Variants in HENMT1 observed in about 807,000 individuals in gnomAD.
HENMT1 encodes small RNA 2'-O-methyltransferase.
A neutral mutation model predicts 31.1 loss-of-function variants in HENMT1; 27 were observed. The ratio of observed to expected loss-of-function variants is 0.87; its 90% CI spans 0.64 to 1.20. The LOEUF (loss-of-function observed/expected upper bound fraction) is 1.20, where lower values mean the gene tolerates loss of function less well. HENMT1 is among the 50% of genes most tolerant of loss of function. The pLI, the probability that HENMT1 is intolerant of heterozygous loss-of-function variation, is 0.00. For synonymous variants in HENMT1, 167 were observed against 172.2 expected, an observed-to-expected ratio of 0.97 and a Z score of 0.24; for missense variants, 438 against 469.6, an observed-to-expected ratio of 0.93 and a Z score of 0.62.
chr1:108,655,215 G>C (rs1570635796), intron 4 of HENMT1, among the ~76,000 whole-genome samples: 1 of 152,200 alleles, frequency 6.6e-6, no homozygotes, highest in Admixed American at 6.5e-5. Context: ...ATATACAAGA[G>C]ATAGGAGAAA....
Position 108,648,327 on chromosome 1 carries a change from T to C in HENMT1, c.*239A>G. On this transcript the variant is annotated 3_prime_UTR_variant, in exon 8 of 8. Coordinates refer to ENST00000651461, the MANE Select transcript of HENMT1 (RefSeq NM_001102592.2). ...ATTACCACATCCAACTTCTTTATTC[T>C]TGAGAAAACAAAAAAGTCCAAAATC... is the stretch of plus-strand genomic sequence containing the variant. 1.9e-6 allele frequency: 1 copy of C among 517,804 alleles called. No individual in the cohort carries two copies. The allele number at this position is 517,804 out of a possible 1,614,324, so 32.1% of individuals were successfully genotyped here. A position where few individuals can be genotyped will look rare whatever the true frequency, so the allele number is the denominator to read the frequency against.
At position 108,651,043 on chromosome 1, in the gene HENMT1, C is replaced by A; in HGVS notation, c.565G>T (p.Glu189Ter). The change falls in exon 6 of 8, where the codon GAG (glutamate) becomes TAG (stop). Residue 189 changes from glutamate (E) to a stop codon, truncating the protein, a stop_gained. Coordinates refer to ENST00000651461, the MANE Select transcript of HENMT1 (RefSeq NM_001102592.2). LOFTEE classifies it high-confidence loss of function. ...SDHKFEWTRM[E>*]FQTWALYVAN... is the part of the protein sequence containing the mutation. ...TTCTGAACTTACCAGGTCTGAAACT[C>A]CATTCTGGTCCACTCAAATTTATGA... is the stretch of plus-strand genomic sequence containing the variant. 6.2e-7 allele frequency: 1 copy of A among 1,613,000 alleles called. No homozygotes were observed. The highest frequency in any genetic ancestry group is 8.5e-7 in the Non-Finnish European group (1 of 1,179,324).
chr1:108,659,778 G>A, intron 2 of HENMT1, 86 bp downstream of exon 2: 2 of 853,772 alleles, frequency 2.3e-6, no homozygotes, highest in Non-Finnish European at 3.8e-6. Context: ...ACCTAAATGT[G>A]ATCAATTTTG....
intron 2 of HENMT1, among the ~76,000 whole-genome samples, chr1:108,658,046 TAC>T (rs58348990): frequency 0.14 from 19,881 of 140,326 alleles, 1,729 homozygotes; most frequent in African/African-American, 0.25. Context: ...CACATATATA[TAC>T]ACACACACAC....
At position 108,655,594 on chromosome 1, in the gene HENMT1, T is replaced by G. The variant is rs772972740; in HGVS notation, c.255A>C (p.Arg85=). The G allele has an allele frequency of 1.3e-6, 2 of 1,573,688 alleles. No homozygotes were observed. Among genetic ancestry groups the G allele is most frequent in the Non-Finnish European group, 1.7e-6 (2 of 1,146,878 alleles). Residue 85 remains arginine, a synonymous_variant, in exon 4 of 8, where the codon CGA becomes CGC. Transcript: ENST00000651461. ...VGVDINEDKL[R]WRGDSLAPFL... ...CAGAAACTAAGTATTACCCTCTCCATCGTAATTTATCCTCATTAATATCTA... is the reference window on the plus strand; with the variant it reads ...CAGAAACTAAGTATTACCCTCTCCAGCGTAATTTATCCTCATTAATATCTA...
At position 108,659,948 on chromosome 1, in the gene HENMT1, T is replaced by C; in HGVS notation, c.-64A>G. ...ATCCTTCAAGCTCTATTTGAGAGAATCAGCACTGACTCAGCTGTAATAAAT... is the reference window on the plus strand; with the variant it reads ...ATCCTTCAAGCTCTATTTGAGAGAACCAGCACTGACTCAGCTGTAATAAAT... On this transcript the variant is annotated 5_prime_UTR_variant, in exon 2 of 8. The change abolishes the stop of an existing upstream ORF in the 5' untranslated region. Transcript: ENST00000651461. 6.4e-7 allele frequency: 1 copy of C among 1,550,770 alleles called. No individual in the cohort carries two copies. Among genetic ancestry groups the C allele is most frequent in the Non-Finnish European group, 8.7e-7 (1 of 1,150,912 alleles).
Position 108,651,066 on chromosome 1 carries a change from T to G in HENMT1, c.542A>C (p.His181Pro), listed in dbSNP as rs1472833370. The change falls in exon 6 of 8, where the codon CAT becomes CCT. Residue 181 changes from histidine (H) to proline (P), a missense_variant. Transcript: ENST00000651461. ...FPSVTLRDSD[H>P]KFEWTRMEFQ... is the part of the protein sequence containing the mutation. Reference sequence around the variant, plus strand: ...CTCCATTCTGGTCCACTCAAATTTATGATCTGAATCTCTTAAGGTCACTGA... The same window carrying G: ...CTCCATTCTGGTCCACTCAAATTTAGGATCTGAATCTCTTAAGGTCACTGA... 1 of 1,613,874 alleles carries G rather than the reference T, an allele frequency of 6.2e-7. No homozygotes were observed.
At position 108,648,943 on chromosome 1, in the gene HENMT1, G is replaced by A; in HGVS notation, c.805C>T (p.Leu269Phe). 6.2e-7 allele frequency: 1 copy of A among 1,612,330 alleles called. No homozygotes were observed. Among genetic ancestry groups the A allele is most frequent in the Non-Finnish European group, 8.5e-7 (1 of 1,178,862 alleles). ...PSLQQERFFK[L>F]VLVNEVSQQV... ...TGGGACACCTCATTAACCAACACAAGTTTAAAGAACCTTTCCTGCTGTAAG... is the reference window on the plus strand; with the variant it reads ...TGGGACACCTCATTAACCAACACAAATTTAAAGAACCTTTCCTGCTGTAAG... Residue 269 changes from leucine to phenylalanine, a missense_variant, in exon 8 of 8, where the codon CTT becomes TTT. Coordinates refer to ENST00000651461, the MANE Select transcript of HENMT1 (RefSeq NM_001102592.2).
In HENMT1 at chr1:108,659,879, T is replaced by C. The variant is rs747195282; in HGVS notation, c.6A>G (p.Glu2=). Residue 2 remains glutamate, a synonymous_variant, in exon 2 of 8, where the codon GAA becomes GAG. Coordinates refer to ENST00000651461, the MANE Select transcript of HENMT1 (RefSeq NM_001102592.2). ...GTGGCATTACCTGTAGATTATTTTCTTCCATTTTGTTTCGAAGTTTTGTTG... is the reference window on the plus strand; with the variant it reads ...GTGGCATTACCTGTAGATTATTTTCCTCCATTTTGTTTCGAAGTTTTGTTG... M[E]ENNLQCSSVV... is the part of the protein sequence containing the mutation. 8 of 1,592,704 alleles carry C rather than the reference T, an allele frequency of 5.0e-6. No homozygotes were observed. Among genetic ancestry groups the C allele is most frequent in the Non-Finnish European group, 6.9e-6 (8 of 1,166,826 alleles).
At chr1:108,657,428 T>C (rs547825494) in intron 3 of HENMT1, 23 bp downstream of exon 3, 7 of 1,562,338 alleles carry the variant, frequency 4.5e-6, no homozygotes, top group African/African-American at 4.1e-5. Context: ...AATAATTAAA[T>C]GTTTGGAAAG....
intron 2 of HENMT1, among the ~76,000 whole-genome samples, 199 bp downstream of exon 2, chr1:108,659,665 T>G (rs1227497937): frequency 1.3e-5 from 2 of 152,248 alleles, no homozygotes; most frequent in African/African-American, 4.8e-5. Context: ...TAACACCTAG[T>G]GATAAAAGTA....
At position 108,648,784 on chromosome 1, in the gene HENMT1, C is replaced by G. The variant is rs750321159; in HGVS notation, c.964G>C (p.Glu322Gln). ...PCFGPVFTEVEKAKIENSPTP... is the reference protein window; with the variant it reads ...PCFGPVFTEVQKAKIENSPTP... ...GGAGAGTTCTCTATCTTGGCCTTCT[C>G]AACCTCTGTGAAGACTGGTCCAAAG... The change falls in exon 8 of 8, where the codon GAG becomes CAG. Residue 322 changes from glutamate (E) to glutamine (Q), a missense_variant. Coordinates refer to ENST00000651461, the MANE Select transcript of HENMT1 (RefSeq NM_001102592.2). 6.2e-7 allele frequency: 1 copy of G among 1,614,204 alleles called. No individual in the cohort carries two copies. Among genetic ancestry groups the G allele is most frequent in the Admixed American group, 1.7e-5 (1 of 60,030 alleles).
Position 108,648,336 on chromosome 1 carries a change from C to A in HENMT1, c.*230G>T. On this transcript the variant is annotated 3_prime_UTR_variant, in exon 8 of 8. Coordinates refer to ENST00000651461, the MANE Select transcript of HENMT1 (RefSeq NM_001102592.2). ...TCCAACTTCTTTATTCTTGAGAAAA[C>A]AAAAAAGTCCAAAATCAAAGGAAAG... 5.8e-6 allele frequency: 3 copies of A among 516,552 alleles called. No individual in the cohort carries two copies. Among genetic ancestry groups the A allele is most frequent in the East Asian group, 3.2e-5 (1 of 31,218 alleles). 32.0% of individuals were successfully genotyped at this position (516,552 alleles called of 1,614,324 possible).
chr1:108,661,139 C>T (rs1570643080), upstream of HENMT1: 1 of 342,068 alleles, frequency 2.9e-6, no homozygotes, highest in Non-Finnish European at 4.1e-6. Context: ...GCGGCTACGC[C>T]GGCGCCCGCA....
Position 108,655,660 on chromosome 1 carries a change from C to G in HENMT1, c.189G>C (p.Arg63Ser). The stretch of plus-strand genomic sequence containing the variant: ...CAATGCATGGATTGACTTTTAGCAG[C>G]CTTAAGAGTGAAGTATCACCACATC... ...DLGCGDTSLL[R>S]LLKVNPCIEL... The change falls in exon 4 of 8, where the codon AGG becomes AGC. Residue 63 changes from arginine to serine, a missense_variant. Arg to Ser is a moderately radical substitution (Grantham distance 110). Coordinates refer to ENST00000651461, the MANE Select transcript of HENMT1 (RefSeq NM_001102592.2). The G allele has an allele frequency of 1.2e-6, 2 of 1,612,572 alleles. No homozygotes were observed. The highest frequency in any genetic ancestry group is 1.7e-6 in the Non-Finnish European group (2 of 1,179,358).
chr1:108,648,307 C>A lies in HENMT1; in HGVS notation c.*259G>T. Reference sequence around the variant, plus strand: ...GGTAAGTTCAAAATTAACATATTACCACATCCAACTTCTTTATTCTTGAGA... The same window carrying A: ...GGTAAGTTCAAAATTAACATATTACAACATCCAACTTCTTTATTCTTGAGA... On this transcript the variant is annotated 3_prime_UTR_variant, in exon 8 of 8. Coordinates refer to ENST00000651461, the MANE Select transcript of HENMT1 (RefSeq NM_001102592.2). 6.3e-6 allele frequency: 3 copies of A among 473,590 alleles called. No homozygotes were observed. Among genetic ancestry groups the A allele is most frequent in the South Asian group, 5.8e-5 (2 of 34,756 alleles). The allele number at this position is 473,590 out of a possible 1,614,324, so 29.3% of individuals were successfully genotyped here. A position where few individuals can be genotyped will look rare whatever the true frequency, so the allele number is the denominator to read the frequency against.
intron 2 of HENMT1, among the ~76,000 whole-genome samples, chr1:108,658,066 TATGTACACACACACACACACACACACAC>T (rs1658311724): frequency 1.5e-5 from 1 of 68,316 alleles, no homozygotes; most frequent in African/African-American, 3.9e-5. Context: ...CACACATATA[TATGTACACACACACACACACACACACAC>T]ATATATACAC....
intron 5 of HENMT1, chr1:108,651,503 G>C (rs1658053743): frequency 8.3e-6 from 2 of 240,944 alleles, no homozygotes; most frequent in Non-Finnish European, 8.1e-6. Flanking sequence ...AATTTTGCTG[G>C]GTGTGGTGGT....
At chr1:108,658,445 A>G (rs1304671350) in intron 2 of HENMT1, among the ~76,000 whole-genome samples, 2 of 151,930 alleles carry the variant, frequency 1.3e-5, no homozygotes, top group African/African-American at 4.8e-5. Flanking sequence ...CACTCTTTTT[A>G]AGAGAGAGAG....
Sources: gnomAD v4.1 joint callset for allele counts (sites outside exome capture counted in the v4.1 genomes callset) on GRCh38, gnomAD v4.1.1 for gene constraint, MANE v1.5 for transcripts, NCBI Gene and HGNC (gene_info 2026-07-23, HGNC 2026-07-21) for gene names.